Variants in FBXL2 observed in about 807,000 individuals in gnomAD.
FBXL2 encodes the protein F-box and leucine rich repeat protein 2.
In FBXL2, 38 loss-of-function variants were observed where a neutral mutation model predicts 69.2. The ratio of observed to expected loss-of-function variants is 0.55; its 90% CI spans 0.42 to 0.72. The LOEUF (loss-of-function observed/expected upper bound fraction) is 0.72, where lower values mean the gene tolerates loss of function less well. FBXL2 is among the 30% of genes least tolerant of loss of function. FBXL2 has a pLI of 0.00. For synonymous variants in FBXL2, 192 were observed against 201.3 expected (o/e 0.95, Z 0.39); for missense variants, 354 against 520.3 (o/e 0.68, Z 3.11).
intron 1 of FBXL2, among the ~76,000 whole-genome samples, chr3:33,287,259 A>G (rs2034737300): frequency 6.6e-6 from 1 of 152,200 alleles, no homozygotes; most frequent in Non-Finnish European, 1.5e-5. Flanking sequence ...TTAATAGATC[A>G]AGGAAAGTAG....
intron 2 of FBXL2, among the ~76,000 whole-genome samples, chr3:33,308,067 G>T (rs1167863433): frequency 1.3e-5 from 2 of 151,964 alleles, no homozygotes; most frequent in African/African-American, 4.8e-5. Context: ...GTTGAGGCAG[G>T]GTTTTACTGT....
At chr3:33,367,804 C>G (rs547467999) in intron 5 of FBXL2, among the ~76,000 whole-genome samples, 1 of 151,956 alleles carries the variant, frequency 6.6e-6, no homozygotes, top group Non-Finnish European at 1.5e-5. Context: ...AAGATGGAAG[C>G]TGAAGTCATT....
chr3:33,325,289 C>T (rs1297042750), intron 2 of FBXL2, among the ~76,000 whole-genome samples: 1 of 152,212 alleles, frequency 6.6e-6, no homozygotes, highest in Admixed American at 6.5e-5. Context: ...TTATTTCTTT[C>T]TCTTGCCTGA....
chr3:33,287,644 G>T (rs914538811), intron 1 of FBXL2, among the ~76,000 whole-genome samples: 7 of 152,138 alleles, frequency 4.6e-5, no homozygotes, highest in African/African-American at 1.7e-4. Context: ...CCCAGCCTGA[G>T]TTTGACATTA....
At chr3:33,420,488 C>CTTTTTTT in the FBXL2 span, among the ~76,000 whole-genome samples, 1 of 120,634 alleles carries the variant, frequency 8.3e-6, no homozygotes, top group East Asian at 2.4e-4. Context: ...ACCATACTGG[C>CTTTTTTT]TTTTTTTTTT....
intron 5 of FBXL2, among the ~76,000 whole-genome samples, chr3:33,371,865 TA>T (rs1214710598): frequency 1.1e-4 from 17 of 152,354 alleles, no homozygotes; most frequent in African/African-American, 3.8e-4. Flanking sequence ...TGTTTAGGGC[TA>T]ATTATGCGCC....
intron 10 of FBXL2, among the ~76,000 whole-genome samples, chr3:33,376,080 C>A (rs142639685): frequency 4.0e-5 from 6 of 151,634 alleles, no homozygotes. Context: ...TGCTTGAACC[C>A]GCGAGGCGGA....
chr3:33,371,523 C>T (rs2042305928), intron 5 of FBXL2, among the ~76,000 whole-genome samples: 1 of 152,026 alleles, frequency 6.6e-6, no homozygotes, highest in African/African-American at 2.4e-5. Context: ...CATGTGTCTA[C>T]ATAACATGTT....
chr3:33,373,126 T>C lies in FBXL2; in HGVS notation c.325T>C (p.Leu109=), dbSNP rs763598250. Reference sequence around the variant, plus strand: ...ACAGAACTGCCGAAACATTGAACATTTGAACCTCAATGGATGCACAAAAAT... The same window carrying C: ...ACAGAACTGCCGAAACATTGAACATCTGAACCTCAATGGATGCACAAAAAT... ...FAQNCRNIEH[L]NLNGCTKITD... Residue 109 remains leucine, a synonymous_variant, in exon 6 of 15, where the codon TTG becomes CTG. Transcript: ENST00000484457. The C allele has an allele frequency of 7.1e-5, 115 of 1,614,082 alleles. No homozygotes were observed. The highest frequency in any genetic ancestry group is 9.3e-5 in the Non-Finnish European group (110 of 1,180,032).
chr3:33,303,472 G>T (rs899251957), intron 2 of FBXL2, among the ~76,000 whole-genome samples: 1 of 152,070 alleles, frequency 6.6e-6, no homozygotes, highest in Non-Finnish European at 1.5e-5. Context: ...AAACTCTGAG[G>T]ATGACTTTGG....
At chr3:33,337,622 A>G (rs761927511) in intron 2 of FBXL2, among the ~76,000 whole-genome samples, 15 of 152,360 alleles carry the variant, frequency 9.8e-5, no homozygotes, top group South Asian at 4.1e-4. Context: ...CATAGCAATC[A>G]GGCAAAAGAA....
chr3:33,337,626 A>G (rs1248908723), intron 2 of FBXL2, among the ~76,000 whole-genome samples: 1 of 152,178 alleles, frequency 6.6e-6, no homozygotes, highest in East Asian at 1.9e-4. Context: ...GCAATCAGGC[A>G]AAAGAAAGAA....
chr3:33,325,791 C>T (rs2038643415), intron 2 of FBXL2, among the ~76,000 whole-genome samples: 2 of 152,016 alleles, frequency 1.3e-5, no homozygotes, highest in African/African-American at 4.8e-5. Flanking sequence ...AACTAATGTT[C>T]AATATTTATC....
chr3:33,348,148 T>C (rs905505960), intron 2 of FBXL2, among the ~76,000 whole-genome samples: 2 of 152,200 alleles, frequency 1.3e-5, no homozygotes, highest in African/African-American at 2.4e-5. Context: ...AATATTTTCA[T>C]AGTTAAAGGT....
rs1047745609 is a variant in FBXL2, at chr3:33,378,598, CT to C, written c.895-83del. 6 of 1,351,770 alleles carry C rather than the reference CT, an allele frequency of 4.4e-6. No individual in the cohort carries two copies. In the African/African-American group the frequency reaches 7.3e-5, roughly 16 times the overall value. 83.7% of individuals were successfully genotyped at this position (1,351,770 alleles called of 1,614,324 possible). ...AGATGAGTTTTTAATTCTTTTACAC[CT>C]TTTGATTCTCGTGTTCAGGAGAAGC... On this transcript the variant is annotated intron_variant, in intron 12 of 14. Coordinates refer to ENST00000484457, the MANE Select transcript of FBXL2 (RefSeq NM_012157.5).
intron 5 of FBXL2, among the ~76,000 whole-genome samples, chr3:33,367,004 A>G (rs1393349230): frequency 2.0e-5 from 3 of 152,170 alleles, no homozygotes; most frequent in African/African-American, 4.8e-5. Flanking sequence ...TACAATTTGT[A>G]TTTTTTAAAA....
intron 10 of FBXL2, among the ~76,000 whole-genome samples, chr3:33,376,338 A>G (rs755311185): frequency 6.6e-6 from 1 of 152,162 alleles, no homozygotes; most frequent in Non-Finnish European, 1.5e-5. Context: ...CTACTTCCCA[A>G]TGAAACTGAT....
At chr3:33,360,002 A>C (rs1160493413) in intron 4 of FBXL2, among the ~76,000 whole-genome samples, 3 of 152,212 alleles carry the variant, frequency 2.0e-5, no homozygotes, top group Non-Finnish European at 2.9e-5. Context: ...CTAACCAAAA[A>C]GAAAGTTTAG....
chr3:33,277,580 C>T, intron 1 of FBXL2, 65 bp downstream of exon 1: 1 of 1,246,696 alleles, frequency 8.0e-7, no homozygotes, highest in Non-Finnish European at 1.0e-6. Flanking sequence ...GGTCCGCACG[C>T]CGCCGCCCGC....
Sources: gnomAD v4.1 joint callset for allele counts (sites outside exome capture counted in the v4.1 genomes callset) on GRCh38, gnomAD v4.1.1 for gene constraint, MANE v1.5 for transcripts, NCBI Gene and HGNC (gene_info 2026-07-23, HGNC 2026-07-21) for gene names.